RASGRF2: variants seen among roughly 807,000 people sequenced by gnomAD.
The protein encoded by RASGRF2 is Ras protein specific guanine nucleotide releasing factor 2, also known as ras-specific guanine nucleotide-releasing factor 2.
In RASGRF2, 76 loss-of-function variants were observed where a neutral mutation model predicts 151.0. The ratio of observed to expected loss-of-function variants is 0.50; its 90% CI spans 0.42 to 0.61. The LOEUF is 0.61. Among genes scored for constraint, RASGRF2 ranks in the 20% least tolerant of loss-of-function variants. RASGRF2 has a pLI of 0.00. For synonymous variants in RASGRF2, 504 were observed against 566.5 expected (o/e 0.89, Z 1.57); for missense variants, 1,148 against 1,564.6 (o/e 0.73, Z 4.49).
At chr5:80,992,532 G>T (rs1748688214) in intron 1 of RASGRF2, among the ~76,000 whole-genome samples, 1 of 152,226 alleles carries the variant, frequency 6.6e-6, no homozygotes, top group South Asian at 2.1e-4. Context: ...ACTTGTGAAA[G>T]AGGGAAGAAA....
Position 81,225,666 on chromosome 5 carries a change from C to CT in RASGRF2, c.3622-4dup, listed in dbSNP as rs754087604. On this transcript the variant is annotated splice_polypyrimidine_tract_variant and intron_variant, in intron 26 of 26. Transcript: ENST00000265080. ...AAAGAGGTAAAAGCTGGGACTTCCC[C>CT]TTTTTTTTCAGGTCGCACAGTACTT... 58 of 1,608,112 alleles carry CT rather than the reference C, an allele frequency of 3.6e-5. No individual in the cohort carries two copies. The highest frequency in any genetic ancestry group is 8.5e-5 in the Admixed American group (5 of 58,930).
intron 1 of RASGRF2, among the ~76,000 whole-genome samples, chr5:80,994,063 C>G (rs1748739846): frequency 6.6e-6 from 1 of 152,094 alleles, no homozygotes; most frequent in Non-Finnish European, 1.5e-5. Context: ...GCCCTTATCT[C>G]TGTGGTTACC....
chr5:81,205,776 AGTCTTGC>A (rs1755492137), intron 19 of RASGRF2, among the ~76,000 whole-genome samples: 1 of 152,002 alleles, frequency 6.6e-6, no homozygotes, highest in Non-Finnish European at 1.5e-5. Flanking sequence ...TTGAGACTTG[AGTCTTGC>A]TCTGTCGCCC....
In RASGRF2 at chr5:81,040,246, C is replaced by T. The variant is rs142661509; in HGVS notation, c.289-2631C>T. Among the ~76,000 whole-genome samples the T allele has an allele frequency of 2.8e-4, 43 of 152,216 alleles. 1 individual carries two copies. In the East Asian group the frequency reaches 6.8e-3, roughly 24 times the overall value. On this transcript the variant is annotated intron_variant, in intron 1 of 26. Coordinates refer to ENST00000265080, the MANE Select transcript of RASGRF2 (RefSeq NM_006909.3). Reference sequence around the variant, plus strand: ...ATGATCTCAAACTCCTGGGCTCAAGCGATCCTCCTGTCTCAGCCTCCAAAA... The same window carrying T: ...ATGATCTCAAACTCCTGGGCTCAAGTGATCCTCCTGTCTCAGCCTCCAAAA...
At chr5:81,121,387 C>T (rs963282030) in intron 15 of RASGRF2, among the ~76,000 whole-genome samples, 1 of 152,164 alleles carries the variant, frequency 6.6e-6, no homozygotes, top group Admixed American at 6.5e-5. Flanking sequence ...TGATGCCATA[C>T]GTCTCCCTCA....
At chr5:81,215,851 A>G in intron 23 of RASGRF2, 25 bp from the exon 24 acceptor site, 1 of 1,504,846 alleles carries the variant, frequency 6.6e-7, no homozygotes, top group Non-Finnish European at 8.8e-7. Context: ...TTTTCATCAC[A>G]CTAAGTTTTT....
Position 80,977,463 on chromosome 5 carries a change from T to TTATG in RASGRF2, c.288+16440_288+16441insGTAT, listed in dbSNP as rs1375445473. ...TGCTACCAAAATTTTATTTATTTAT[T>TTATG]TATTTATTTATTTATTGAGATGGAA... is the stretch of plus-strand genomic sequence containing the variant. On this transcript the variant is annotated intron_variant, in intron 1 of 26. Coordinates refer to ENST00000265080, the MANE Select transcript of RASGRF2 (RefSeq NM_006909.3). Among the ~76,000 whole-genome samples the TTATG allele has an allele frequency of 3.3e-5, 5 of 152,080 alleles. 1 individual carries two copies. The South Asian group carries it at 1.0e-3, about 32-fold the overall frequency.
At chr5:80,969,161 C>T (rs537141202) in intron 1 of RASGRF2, among the ~76,000 whole-genome samples, 38 of 128,288 alleles carry the variant, frequency 3.0e-4, no homozygotes, top group African/African-American at 9.1e-4. Flanking sequence ...GTTGGAGTCT[C>T]GCTCTGTCAC....
chr5:81,018,694 G>C (rs572568962), intron 1 of RASGRF2, among the ~76,000 whole-genome samples: 32 of 152,230 alleles, frequency 2.1e-4, no homozygotes, highest in African/African-American at 7.7e-4. Context: ...AAACAAGAAA[G>C]AGGAGGAGGT....
At chr5:81,066,687 A>T (rs1286280973) in intron 2 of RASGRF2, among the ~76,000 whole-genome samples, 1 of 152,132 alleles carries the variant, frequency 6.6e-6, no homozygotes, top group Non-Finnish European at 1.5e-5. Context: ...TTTGGCTCGG[A>T]TGTGGCCAAA....
At chr5:81,151,253 T>G (rs762969782) in intron 17 of RASGRF2, among the ~76,000 whole-genome samples, 1 of 152,188 alleles carries the variant, frequency 6.6e-6, no homozygotes, top group Non-Finnish European at 1.5e-5. Flanking sequence ...CATGTTCCTT[T>G]ATGCCTCACA....
chr5:81,003,665 A>G (rs1749171644), intron 1 of RASGRF2, among the ~76,000 whole-genome samples: 1 of 152,220 alleles, frequency 6.6e-6, no homozygotes, highest in Non-Finnish European at 1.5e-5. Flanking sequence ...CCTGGCCGAG[A>G]CAATTTTTTA....
chr5:81,225,956 C>A lies in RASGRF2; in HGVS notation c.*186C>A. 1 of 560,422 alleles carries A rather than the reference C, an allele frequency of 1.8e-6. No homozygotes were observed. The highest frequency in any genetic ancestry group is 3.8e-5 in the South Asian group (1 of 26,034). 34.7% of individuals were successfully genotyped at this position (560,422 alleles called of 1,614,324 possible). A position where few individuals can be genotyped will look rare whatever the true frequency, so the allele number is the denominator to read the frequency against. ...CTGTTTGGGTCAAAGACAGATGCTT[C>A]AGACTTGGGTGGGAAGGTGAAAGAT... On this transcript the variant is annotated 3_prime_UTR_variant, in exon 27 of 27. Transcript: ENST00000265080.
At chr5:81,149,331 C>G (rs1435918478) in intron 17 of RASGRF2, among the ~76,000 whole-genome samples, 1 of 152,168 alleles carries the variant, frequency 6.6e-6, no homozygotes. Context: ...TTTGCAGTAA[C>G]TTGGATGGAG....
intron 8 of RASGRF2, among the ~76,000 whole-genome samples, chr5:81,086,335 A>G (rs961366886): frequency 6.6e-6 from 1 of 152,166 alleles, no homozygotes. Flanking sequence ...CAACATAGCG[A>G]GACCCCATCT....
intron 2 of RASGRF2, among the ~76,000 whole-genome samples, chr5:81,063,033 T>C (rs1258501741): frequency 6.8e-6 from 1 of 147,128 alleles, no homozygotes; most frequent in African/African-American, 2.5e-5. Context: ...ATGAAAAGTA[T>C]GACAGAAAAA....
At chr5:80,998,705 C>G (rs1427032678) in intron 1 of RASGRF2, among the ~76,000 whole-genome samples, 3 of 152,184 alleles carry the variant, frequency 2.0e-5, no homozygotes, top group Non-Finnish European at 4.4e-5. Flanking sequence ...GTTCTACACC[C>G]ACGCTCCACC....
intron 1 of RASGRF2, among the ~76,000 whole-genome samples, chr5:81,020,568 C>T (rs1377055705): frequency 6.6e-6 from 1 of 152,028 alleles, no homozygotes; most frequent in Non-Finnish European, 1.5e-5. Flanking sequence ...CAGGACAGGG[C>T]TGGCTGGGAA....
chr5:81,085,980 C>T, intron 8 of RASGRF2, 69 bp downstream of exon 8: 1 of 1,603,052 alleles, frequency 6.2e-7, no homozygotes, highest in Non-Finnish European at 8.5e-7. Context: ...TGGAAACCTC[C>T]TGTATATGTT....
Sources: gnomAD v4.1 joint callset for allele counts (sites outside exome capture counted in the v4.1 genomes callset) on GRCh38, gnomAD v4.1.1 for gene constraint, MANE v1.5 for transcripts, NCBI Gene and HGNC (gene_info 2026-07-23, HGNC 2026-07-21) for gene names.